The following GAN variants were observed in gnomAD, a reference collection of about 807,000 sequenced individuals.
GAN encodes the protein epididymis secretory sperm binding protein.
In GAN, 48 loss-of-function variants were observed where a neutral mutation model predicts 71.3. The observed-to-expected ratio is 0.67, with a 90% CI of 0.53 to 0.86. GAN has a LOEUF of 0.86. Among genes scored for constraint, GAN ranks in the 40% least tolerant of loss-of-function variants. The pLI is 0.00. For synonymous variants in GAN, 386 were observed against 276.8 expected (o/e 1.39, Z -3.92); for missense variants, 928 against 770.1 (o/e 1.21, Z -2.43).
At chr16:81,322,743 G>T (rs9940292) in intron 1 of GAN, among the ~76,000 whole-genome samples, 1 of 152,170 alleles carries the variant, frequency 6.6e-6, no homozygotes, top group Non-Finnish European at 1.5e-5. Context: ...TCAGTAACCA[G>T]TTGCCTACAC....
intron 1 of GAN, among the ~76,000 whole-genome samples, chr16:81,323,624 C>G (rs894580394): frequency 6.6e-6 from 1 of 152,062 alleles, no homozygotes; most frequent in African/African-American, 2.4e-5. Flanking sequence ...GTAAAGGGAC[C>G]TTCTATATAA....
At position 81,359,532 on chromosome 16, in the gene GAN, A is replaced by T. The variant is rs140346090; in HGVS notation, c.973+1601A>T. On this transcript the variant is annotated intron_variant, in intron 5 of 10. Coordinates refer to ENST00000648994, the MANE Select transcript of GAN (RefSeq NM_022041.4). ...GTCCTTTAGGAAGATTACCTTAGAA[A>T]TTACAGCCTGTATTAAGTTAGCAAA... Among the ~76,000 whole-genome samples the T allele has an allele frequency of 6.3e-3, 958 of 152,206 alleles. 36 individuals carry two copies. Among genetic ancestry groups the T allele is most frequent in the Admixed American group, 0.058 (893 of 15,282 alleles).
intron 2 of GAN, among the ~76,000 whole-genome samples, chr16:81,351,986 CCTGA>C (rs1458595704): frequency 3.9e-5 from 6 of 152,084 alleles, no homozygotes; most frequent in African/African-American, 1.4e-4. Flanking sequence ...GGGATGCTGC[CCTGA>C]CTGCTGTGTT....
chr16:81,373,315 C>T (rs1338151799), intron 9 of GAN, among the ~76,000 whole-genome samples: 1 of 152,148 alleles, frequency 6.6e-6, no homozygotes, highest in African/African-American at 2.4e-5. Context: ...CCAAGGTCCT[C>T]CTGAAGTCCA....
intron 5 of GAN, among the ~76,000 whole-genome samples, chr16:81,358,819 C>G (rs968966864): frequency 6.6e-6 from 1 of 152,170 alleles, no homozygotes; most frequent in Non-Finnish European, 1.5e-5. Context: ...GTCTTTTCGC[C>G]GTGGTCCTGC....
Position 81,389,323 on chromosome 16 carries a change from G to A in GAN, c.*11727G>A, listed in dbSNP as rs1904496038. The A allele has an allele frequency of 6.6e-6, 1 of 152,206 alleles. No individual in the cohort carries two copies. Among genetic ancestry groups the A allele is most frequent in the Non-Finnish European group, 1.5e-5 (1 of 68,032 alleles). 9.4% of individuals were successfully genotyped at this position (152,206 alleles called of 1,614,324 possible). ...TTCAGTTCGCCGGCGACGTAATGGT[G>A]ATACCCTTTGTTTTTTGTATCATAC... On this transcript the variant is annotated 3_prime_UTR_variant, in exon 11 of 11. Coordinates refer to ENST00000648994, the MANE Select transcript of GAN (RefSeq NM_022041.4).
chr16:81,351,465 C>G, intron 1 of GAN, 118 bp from the exon 2 acceptor site: 1 of 659,750 alleles, frequency 1.5e-6, no homozygotes, highest in Non-Finnish European at 2.7e-6. Flanking sequence ...ACTAAATTTT[C>G]TAGGTGGGGA....
chr16:81,352,081 A>G (rs1910318153), intron 2 of GAN, among the ~76,000 whole-genome samples: 1 of 152,182 alleles, frequency 6.6e-6, no homozygotes, highest in Admixed American at 6.5e-5. Context: ...TTTTGTCTCC[A>G]TAGCATGGAA....
chr16:81,317,696 C>A (rs748265124), intron 1 of GAN, among the ~76,000 whole-genome samples: 2 of 152,234 alleles, frequency 1.3e-5, no homozygotes, highest in Non-Finnish European at 2.9e-5. Context: ...AACCGCCTTC[C>A]TACTCTTGCC....
chr16:81,384,326 A>G lies in GAN; in HGVS notation c.*6730A>G, dbSNP rs1321043732. 2 of 152,140 alleles carry G rather than the reference A, an allele frequency of 1.3e-5. No homozygotes were observed. The highest frequency in any genetic ancestry group is 6.5e-5 in the Admixed American group (1 of 15,280). The allele number at this position is 152,140 out of a possible 1,614,324, so 9.4% of individuals were successfully genotyped here. A position where few individuals can be genotyped will look rare whatever the true frequency, so the allele number is the denominator to read the frequency against. ...AAAAAAAAAAAAAAAAGAAAAGAAA[A>G]AAAAGCACTTACAACCAGGAGGAAT... On this transcript the variant is annotated 3_prime_UTR_variant, in exon 11 of 11. Coordinates refer to ENST00000648994, the MANE Select transcript of GAN (RefSeq NM_022041.4).
In GAN at chr16:81,339,894, G is replaced by A. The variant is rs4888142; in HGVS notation, c.168-11689G>A. Among the ~76,000 whole-genome samples the A allele has an allele frequency of 5.6e-3, 859 of 152,246 alleles. 10 individuals are homozygous for A. The highest frequency in any genetic ancestry group is 0.031 in the South Asian group (149 of 4,824). On this transcript the variant is annotated intron_variant, in intron 1 of 10. Coordinates refer to ENST00000648994, the MANE Select transcript of GAN (RefSeq NM_022041.4). ...AGATGTAAGGATGTGAATTTAAACC[G>A]TAATTAAAGTTTTGATACTTAACCT...
chr16:81,365,996 A>G (rs1422969364), intron 9 of GAN, among the ~76,000 whole-genome samples: 6 of 152,124 alleles, frequency 3.9e-5, no homozygotes, highest in Non-Finnish European at 7.4e-5. Context: ...TTCCCCTGCA[A>G]ACATGTGTGG....
intron 1 of GAN, among the ~76,000 whole-genome samples, chr16:81,326,456 C>T (rs1340710020): frequency 6.6e-6 from 1 of 152,072 alleles, no homozygotes; most frequent in East Asian, 1.9e-4. Context: ...TTGTTTGAAC[C>T]CGGGAGGCGG....
chr16:81,333,986 C>T (rs142112446), intron 1 of GAN, among the ~76,000 whole-genome samples: 3 of 152,202 alleles, frequency 2.0e-5, no homozygotes, highest in Non-Finnish European at 2.9e-5. Flanking sequence ...ACTGCCTTCC[C>T]GTTTCATTTG....
rs1392246635 is a variant in GAN at position 81,388,573 on chromosome 16, G to GGGCA, written c.*10986_*10989dup. ...TCAGGGCTCCCCCTCCAAGCCGGGAGGGCAGGCAGGCACAGGCCCCGCTCA... is the reference window on the plus strand; with the variant it reads ...TCAGGGCTCCCCCTCCAAGCCGGGAGGGCAGGCAGGCAGGCACAGGCCCCGCTCA... On this transcript the variant is annotated 3_prime_UTR_variant, in exon 11 of 11. Coordinates refer to ENST00000648994, the MANE Select transcript of GAN (RefSeq NM_022041.4). 1.3e-5 allele frequency: 2 copies of GGGCA among 153,342 alleles called. No individual in the cohort carries two copies. The highest frequency in any genetic ancestry group is 4.8e-5 in the African/African-American group (2 of 41,486). 9.5% of individuals were successfully genotyped at this position (153,342 alleles called of 1,614,324 possible).
chr16:81,331,234 A>G (rs1311228455), intron 1 of GAN, among the ~76,000 whole-genome samples: 4 of 152,184 alleles, frequency 2.6e-5, no homozygotes, highest in Non-Finnish European at 5.9e-5. Context: ...AAGTTGAGGA[A>G]CGAGATGCGA....
At chr16:81,337,640 C>A (rs981213465) in intron 1 of GAN, among the ~76,000 whole-genome samples, 2 of 152,228 alleles carry the variant, frequency 1.3e-5, no homozygotes, top group Non-Finnish European at 2.9e-5. Context: ...TAATTACTTA[C>A]AAGTTGTAGA....
At chr16:81,327,186 G>T (rs542348784) in intron 1 of GAN, among the ~76,000 whole-genome samples, 2 of 152,248 alleles carry the variant, frequency 1.3e-5, no homozygotes, top group Non-Finnish European at 2.9e-5. Context: ...ATGAGAGAGC[G>T]TTTTGTCCCA....
Position 81,363,880 on chromosome 16 carries a change from G to A in GAN, c.1173G>A (p.Met391Ile). The A allele has an allele frequency of 1.2e-6, 2 of 1,612,106 alleles. No homozygotes were observed. The highest frequency in any genetic ancestry group is 8.5e-7 in the Non-Finnish European group (1 of 1,178,158). ...ATGGTGAAAAGGAGCTGATTTCCAT[G>A]GAGTGTTACGATATTTATTCTAAAA... ...GEDGEKELIS[M>I]ECYDIYSKTW... is the part of the protein sequence containing the mutation. Residue 391 changes from methionine (M) to isoleucine (I), a missense_variant, in exon 7 of 11, where the codon ATG (methionine) becomes ATA (isoleucine). Physicochemically the swap from Met to Ile is conservative, Grantham distance 10. Coordinates refer to ENST00000648994, the MANE Select transcript of GAN (RefSeq NM_022041.4).
Sources: allele counts gnomAD v4.1 joint callset (sites outside exome capture counted in the v4.1 genomes callset), GRCh38; gene constraint gnomAD v4.1.1; transcripts MANE v1.5; gene names NCBI Gene and HGNC (gene_info 2026-07-23, HGNC 2026-07-21).